NELL1: variants seen among roughly 807,000 people sequenced by gnomAD.
NELL1 encodes the protein neural EGFL like 1.
A neutral mutation model predicts 107.4 loss-of-function variants in NELL1; 76 were observed. The observed-to-expected ratio is 0.71, with a 90% CI of 0.59 to 0.86. The LOEUF (loss-of-function observed/expected upper bound fraction) is 0.86, where lower values mean the gene tolerates loss of function less well. Ranked by LOEUF, NELL1 falls within the 40% of genes least tolerant of loss-of-function variation. NELL1 has a pLI of 0.00. For missense variants in NELL1, 1,024 were observed against 1,005.5 expected (o/e 1.02, Z -0.25); for synonymous variants, 353 against 341.2 (o/e 1.03, Z -0.38).
At chr11:21,081,270 T>A (rs1854262568) in intron 12 of NELL1, among the ~76,000 whole-genome samples, 2 of 152,172 alleles carry the variant, frequency 1.3e-5, no homozygotes, top group Admixed American at 1.3e-4. Context: ...CACATTCTAT[T>A]GTTTCCCTTG....
intron 14 of NELL1, among the ~76,000 whole-genome samples, chr11:21,273,981 GA>G (rs1848797813): frequency 1.3e-5 from 2 of 152,300 alleles, no homozygotes; most frequent in African/African-American, 4.8e-5. Context: ...AGGCTAGGAA[GA>G]AACTGCATCA....
At chr11:21,225,078 C>A (rs766340683) in intron 13 of NELL1, among the ~76,000 whole-genome samples, 5 of 152,114 alleles carry the variant, frequency 3.3e-5, no homozygotes, top group Non-Finnish European at 7.4e-5. Flanking sequence ...GTAATGGTAT[C>A]ATTTCTGTGT....
chr11:20,850,493 G>C (rs1040445211), intron 4 of NELL1, among the ~76,000 whole-genome samples: 10 of 152,132 alleles, frequency 6.6e-5, no homozygotes, highest in Non-Finnish European at 2.9e-5. Context: ...CTCTTTTTAA[G>C]ATGAGGAAAC....
rs1422920634 is a variant in NELL1 at position 20,950,920 on chromosome 11, G to A, written c.1171+3485G>A. The stretch of plus-strand genomic sequence containing the variant: ...ACCTGCACCGAAGGCCTTTCAATTA[G>A]CATATTTATCATCTCTCTCTTACTG... On this transcript the variant is annotated intron_variant, in intron 11 of 19. Coordinates refer to ENST00000357134, the MANE Select transcript of NELL1 (RefSeq NM_006157.5). Among the ~76,000 whole-genome samples the A allele has an allele frequency of 2.6e-5, 4 of 152,206 alleles. No individual in the cohort carries two copies. In the South Asian group the frequency reaches 6.2e-4, roughly 24 times the overall value.
chr11:20,925,369 C>T (rs1850471427), intron 7 of NELL1, among the ~76,000 whole-genome samples: 1 of 151,720 alleles, frequency 6.6e-6, no homozygotes, highest in Non-Finnish European at 1.5e-5. Flanking sequence ...CAACCTCTGC[C>T]TCCCAGGTTC....
chr11:21,504,473 A>G (rs1487353950), intron 15 of NELL1, among the ~76,000 whole-genome samples: 1 of 152,186 alleles, frequency 6.6e-6, no homozygotes, highest in Non-Finnish European at 1.5e-5. Flanking sequence ...CTCTACTCAC[A>G]CAGCTTTTCC....
At chr11:21,433,104 C>T (rs907935148) in intron 15 of NELL1, among the ~76,000 whole-genome samples, 5 of 152,158 alleles carry the variant, frequency 3.3e-5, no homozygotes, top group East Asian at 1.9e-4. Context: ...TGAGTGAGAA[C>T]ATGTGATGCT....
intron 13 of NELL1, among the ~76,000 whole-genome samples, chr11:21,179,845 G>T (rs981420470): frequency 1.5e-5 from 2 of 136,944 alleles, no homozygotes; most frequent in Non-Finnish European, 3.1e-5. Flanking sequence ...CAAAGGTTTA[G>T]GACAGAAATC....
intron 12 of NELL1, among the ~76,000 whole-genome samples, chr11:21,100,860 T>A (rs1479137938): frequency 6.6e-6 from 1 of 152,182 alleles, no homozygotes; most frequent in Non-Finnish European, 1.5e-5. Context: ...TAATTATACT[T>A]TAAGTTTTAG....
chr11:21,229,621 T>C (rs1857990599), intron 14 of NELL1, among the ~76,000 whole-genome samples, 167 bp downstream of exon 14: 1 of 152,178 alleles, frequency 6.6e-6, no homozygotes, highest in Admixed American at 6.5e-5. Context: ...AGAAAAATGC[T>C]TCAGGTTTAG....
At chr11:21,224,593 A>T (rs1598070) in intron 13 of NELL1, among the ~76,000 whole-genome samples, 3 of 151,902 alleles carry the variant, frequency 2.0e-5, no homozygotes, top group Admixed American at 6.6e-5. Context: ...CAAAATTCAC[A>T]TATTTGTTTA....
chr11:21,088,463 C>T (rs956209733), intron 12 of NELL1, among the ~76,000 whole-genome samples: 1 of 152,134 alleles, frequency 6.6e-6, no homozygotes, highest in African/African-American at 2.4e-5. Context: ...CTGCCTTTGG[C>T]TCCAAAACCC....
At chr11:20,964,091 A>G (rs1851343116) in intron 12 of NELL1, among the ~76,000 whole-genome samples, 1 of 152,058 alleles carries the variant, frequency 6.6e-6, no homozygotes, top group Admixed American at 6.6e-5. Flanking sequence ...GCCTTTTCTG[A>G]CTCCAGGAGG....
At chr11:20,989,333 A>G (rs564975945) in intron 12 of NELL1, among the ~76,000 whole-genome samples, 63 of 152,232 alleles carry the variant, frequency 4.1e-4, no homozygotes, top group African/African-American at 1.4e-3. Context: ...CATGTTCCCA[A>G]TTCTGGGCTG....
At chr11:21,047,041 C>G (rs80181097) in intron 12 of NELL1, among the ~76,000 whole-genome samples, 2,283 of 152,062 alleles carry the variant, frequency 0.015, 64 homozygotes, top group African/African-American at 0.05. Context: ...TTGTTAAAAG[C>G]TTATATTTGT....
intron 5 of NELL1, among the ~76,000 whole-genome samples, chr11:20,894,726 TGGAC>T (rs1590389386): frequency 6.6e-6 from 1 of 152,290 alleles, no homozygotes; most frequent in East Asian, 1.9e-4. Context: ...GTTAATAAAA[TGGAC>T]ATATATATGT....
chr11:21,173,752 T>A (rs1856655802), intron 13 of NELL1, among the ~76,000 whole-genome samples: 1 of 151,174 alleles, frequency 6.6e-6, no homozygotes, highest in Non-Finnish European at 1.5e-5. Flanking sequence ...TAGAGGTATG[T>A]GTGTGTGTGT....
chr11:20,833,881 T>C (rs903596494), intron 3 of NELL1, among the ~76,000 whole-genome samples: 2 of 152,014 alleles, frequency 1.3e-5, no homozygotes, highest in African/African-American at 2.4e-5. Flanking sequence ...GAGGGCAAGA[T>C]AGAGAGTGAG....
chr11:21,476,064 T>C (rs1172954614), intron 15 of NELL1, among the ~76,000 whole-genome samples: 1 of 152,328 alleles, frequency 6.6e-6, no homozygotes, highest in South Asian at 2.1e-4. Flanking sequence ...TTTTCTTCAA[T>C]TGAACTCTAC....
Sources: gnomAD v4.1 joint callset for allele counts (sites outside exome capture counted in the v4.1 genomes callset) on GRCh38, gnomAD v4.1.1 for gene constraint, MANE v1.5 for transcripts, NCBI Gene and HGNC (gene_info 2026-07-23, HGNC 2026-07-21) for gene names.